The following CDH19 variants were observed in gnomAD, a reference collection of about 807,000 sequenced individuals.
CDH19 encodes the protein cadherin-19.
Under a neutral mutation model 64.2 loss-of-function variants are expected in CDH19, and 67 were observed. The observed-to-expected ratio is 1.04, with a 90% CI of 0.86 to 1.28. CDH19 has a LOEUF of 1.28. CDH19 is among the 50% of genes most tolerant of loss of function. CDH19 has a pLI of 0.00. For missense variants in CDH19, 1,030 were observed against 929.0 expected (o/e 1.11, Z -1.41); for synonymous variants, 346 against 319.3 (o/e 1.08, Z -0.89).
Position 66,501,650 on chromosome 18 carries a change from G to A in CDH19, c.*3162C>T, listed in dbSNP as rs1984946511. ...CATGTGTTCCAATAGAATACCATTAGCTGTTGTTATAATAATTCACTGTTA... is the reference window on the plus strand; with the variant it reads ...CATGTGTTCCAATAGAATACCATTAACTGTTGTTATAATAATTCACTGTTA... On this transcript the variant is annotated 3_prime_UTR_variant, in exon 12 of 12. Coordinates refer to ENST00000262150, the MANE Select transcript of CDH19 (RefSeq NM_021153.4). 6.6e-6 allele frequency: 1 copy of A among 152,092 alleles called. No homozygotes were observed. The highest frequency in any genetic ancestry group is 1.5e-5 in the Non-Finnish European group (1 of 68,024). 9.4% of individuals were successfully genotyped at this position (152,092 alleles called of 1,614,324 possible).
chr18:66,576,209 C>T (rs145876856), intron 1 of CDH19, among the ~76,000 whole-genome samples: 74 of 150,818 alleles, frequency 4.9e-4, no homozygotes, highest in Non-Finnish European at 8.9e-4. Flanking sequence ...AATAATCACT[C>T]TAAATATTAA....
At chr18:66,601,287 G>A (rs1989032291) in intron 1 of CDH19, among the ~76,000 whole-genome samples, 1 of 151,824 alleles carries the variant, frequency 6.6e-6, no homozygotes, top group African/African-American at 2.4e-5. Context: ...CTTCTTTTCT[G>A]TGATGTATTT....
chr18:66,588,153 G>C (rs182209239), intron 1 of CDH19, among the ~76,000 whole-genome samples: 28 of 152,146 alleles, frequency 1.8e-4, no homozygotes, highest in Admixed American at 1.7e-3. Context: ...CCAAAGCTGT[G>C]CACATCACGC....
rs200384608 is a variant in CDH19, at chr18:66,509,247, C to T, written c.1577-1G>A. 6.8e-6 allele frequency: 11 copies of T among 1,610,280 alleles called. No homozygotes were observed. In the African/African-American group the frequency reaches 1.3e-4, roughly 20 times the overall value. ...TTAGTCAAAATGACAGCTGTGTTAT[C>T]TAAAACAAAAATCCATGTGCATAAT... On this transcript the variant is annotated splice_acceptor_variant, in intron 10 of 11. Coordinates refer to ENST00000262150, the MANE Select transcript of CDH19 (RefSeq NM_021153.4). LOFTEE classifies it high-confidence loss of function.
rs537176675 is a variant in CDH19, at chr18:66,536,559, T to C, written c.1215-1452A>G. On this transcript the variant is annotated intron_variant, in intron 7 of 11. Transcript: ENST00000262150. Reference sequence around the variant, plus strand: ...AAGTTTGACAGGATGTTATAGTCTTTAGTAGTTTAATTCACATCTGTTAGA... The same window carrying C: ...AAGTTTGACAGGATGTTATAGTCTTCAGTAGTTTAATTCACATCTGTTAGA... Among the ~76,000 whole-genome samples, 3 of 151,932 alleles carry C rather than the reference T, an allele frequency of 2.0e-5. No homozygotes were observed. The South Asian group carries it at 6.2e-4, about 31-fold the overall frequency.
intron 5 of CDH19, among the ~76,000 whole-genome samples, chr18:66,545,774 C>T (rs1225930433): frequency 3.3e-5 from 5 of 151,940 alleles, no homozygotes; most frequent in Admixed American, 6.6e-5. Context: ...AGGGTCTGAG[C>T]CTGCATTACA....
At chr18:66,519,947 A>G (rs957139094) in intron 9 of CDH19, among the ~76,000 whole-genome samples, 5 of 152,092 alleles carry the variant, frequency 3.3e-5, no homozygotes, top group African/African-American at 1.2e-4. Context: ...GCACTTTGGG[A>G]GGCCGAGGCA....
rs570105993 is a variant in CDH19 at position 66,543,230 on chromosome 18, T to G, written c.1214+741A>C. ...TTTTTAGTAGAGACGGGGTTTCACATGTTAGCCAGGATGGTCTCGATCTCC... is the reference window on the plus strand; with the variant it reads ...TTTTTAGTAGAGACGGGGTTTCACAGGTTAGCCAGGATGGTCTCGATCTCC... On this transcript the variant is annotated intron_variant, in intron 7 of 11. Transcript: ENST00000262150. 2.8e-4 allele frequency among the ~76,000 whole-genome samples: 43 copies of G among 152,118 alleles called. No individual in the cohort carries two copies. The East Asian group carries it at 8.3e-3, about 29-fold the overall frequency.
chr18:66,547,690 C>T (rs1348754185), intron 5 of CDH19, among the ~76,000 whole-genome samples: 26 of 93,370 alleles, frequency 2.8e-4, no homozygotes, highest in African/African-American at 4.1e-4. Context: ...TTTTTTGAGA[C>T]GGAGTCTCGC....
intron 1 of CDH19, among the ~76,000 whole-genome samples, chr18:66,594,208 A>G (rs937831700): frequency 6.6e-6 from 1 of 152,150 alleles, no homozygotes; most frequent in Non-Finnish European, 1.5e-5. Flanking sequence ...CAACAAGAAG[A>G]CTTAATTATA....
intron 1 of CDH19, among the ~76,000 whole-genome samples, chr18:66,599,326 T>C (rs1219998024): frequency 6.6e-6 from 1 of 152,038 alleles, no homozygotes; most frequent in Non-Finnish European, 1.5e-5. Flanking sequence ...AATATCACAT[T>C]TTGTCATCTT....
At chr18:66,581,769 C>T (rs1988427883) in intron 1 of CDH19, among the ~76,000 whole-genome samples, 1 of 152,064 alleles carries the variant, frequency 6.6e-6, no homozygotes, top group Non-Finnish European at 1.5e-5. Flanking sequence ...TACTGGCTTC[C>T]TACCTCCTCA....
rs574404694 is a variant in CDH19, at chr18:66,588,626, CTATATA to C, written c.-113+15322_-113+15327del. Among the ~76,000 whole-genome samples the C allele has an allele frequency of 9.7e-5, 11 of 113,616 alleles. 1 individual carries two copies. The highest frequency in any genetic ancestry group is 6.5e-4 in the Admixed American group (7 of 10,772). The allele number at this position is 113,616 out of a possible 152,430, so 74.5% of individuals were successfully genotyped here. On this transcript the variant is annotated intron_variant, in intron 1 of 11. Transcript: ENST00000262150. The stretch of plus-strand genomic sequence containing the variant: ...TAATCATATATATCTATATCTATAT[CTATATA>C]TATATAGATACAGCTCAGATTTATT...
Position 66,600,936 on chromosome 18 carries a change from C to T in CDH19, c.-113+3018G>A, listed in dbSNP as rs1424032227. The stretch of plus-strand genomic sequence containing the variant: ...AAGAAGGGGAATTATATCCACCTGA[C>T]GAGTGACATTATAGCCCATTTATTT... On this transcript the variant is annotated intron_variant, in intron 1 of 11. Coordinates refer to ENST00000262150, the MANE Select transcript of CDH19 (RefSeq NM_021153.4). Among the ~76,000 whole-genome samples the T allele has an allele frequency of 3.3e-5, 5 of 151,882 alleles. No homozygotes were observed. The East Asian group carries it at 5.8e-4, about 18-fold the overall frequency.
At position 66,569,923 on chromosome 18, in the gene CDH19, C is replaced by G. The variant is rs181938951; in HGVS notation, c.196-1213G>C. ...TGGATAAATTAATACACTTTCTTTGCGGTTGTGGAGAAAATCTGAAGGTAC... is the reference window on the plus strand; with the variant it reads ...TGGATAAATTAATACACTTTCTTTGGGGTTGTGGAGAAAATCTGAAGGTAC... On this transcript the variant is annotated intron_variant, in intron 2 of 11. Transcript: ENST00000262150. Among the ~76,000 whole-genome samples the G allele has an allele frequency of 3.3e-5, 5 of 151,656 alleles. No individual in the cohort carries two copies. The South Asian group carries it at 8.3e-4, about 25-fold the overall frequency.
intron 3 of CDH19, among the ~76,000 whole-genome samples, chr18:66,557,105 T>C (rs943161854): frequency 6.6e-6 from 1 of 151,994 alleles, no homozygotes. Context: ...AGTAAAGATA[T>C]CTGCATTCCC....
chr18:66,546,431 TA>T (rs1431120081), intron 5 of CDH19, among the ~76,000 whole-genome samples: 1 of 152,168 alleles, frequency 6.6e-6, no homozygotes, highest in Non-Finnish European at 1.5e-5. Flanking sequence ...GTTTAAGACT[TA>T]AATGTTATTG....
intron 3 of CDH19, among the ~76,000 whole-genome samples, chr18:66,562,169 G>A (rs533331870): frequency 8.6e-5 from 13 of 151,804 alleles, no homozygotes; most frequent in East Asian, 3.9e-4. Flanking sequence ...TGATTAAAGC[G>A]CATTACAGTT....
intron 4 of CDH19, among the ~76,000 whole-genome samples, chr18:66,551,781 C>T (rs547914521): frequency 5.3e-5 from 8 of 151,942 alleles, no homozygotes; most frequent in African/African-American, 1.9e-4. Flanking sequence ...TATATTCAAA[C>T]TCAAGATAAT....
Sources: allele counts gnomAD v4.1 joint callset (sites outside exome capture counted in the v4.1 genomes callset), GRCh38; gene constraint gnomAD v4.1.1; transcripts MANE v1.5; gene names NCBI Gene and HGNC (gene_info 2026-07-23, HGNC 2026-07-21).